RMDN1: variants seen among roughly 807,000 people sequenced by gnomAD.
The protein encoded by RMDN1 is regulator of microtubule dynamics 1.
Under a neutral mutation model 48.9 loss-of-function variants are expected in RMDN1, and 48 were observed. The observed-to-expected ratio is 0.98, with a 90% CI of 0.78 to 1.25. The LOEUF is 1.25. Among genes scored for constraint, RMDN1 ranks in the 50% most tolerant of loss-of-function variants. The pLI, the probability that RMDN1 is intolerant of heterozygous loss-of-function variation, is 0.00. For missense variants in RMDN1, 418 were observed against 373.4 expected (o/e 1.12, Z -0.98); for synonymous variants, 148 against 132.6 (o/e 1.12, Z -0.80).
At chr8:86,474,989 ACAG>A in intron 8 of RMDN1, 36 bp from the exon 9 acceptor site, 1 of 1,546,800 alleles carries the variant, frequency 6.5e-7, no homozygotes, top group Non-Finnish European at 8.7e-7. Context: ...CTCAGAGGAA[ACAG>A]TGTTGCTTTT....
At chr8:86,490,271 T>A (rs1816272297) in intron 2 of RMDN1, among the ~76,000 whole-genome samples, 1 of 152,196 alleles carries the variant, frequency 6.6e-6, no homozygotes, top group African/African-American at 2.4e-5. Flanking sequence ...TTTGGTTACA[T>A]GTCAACGGTG....
At chr8:86,509,894 A>G (rs1384869345), upstream of RMDN1, among the ~76,000 whole-genome samples, 1 of 152,116 alleles carries the variant, frequency 6.6e-6, no homozygotes, top group Non-Finnish European at 1.5e-5. Context: ...TTTCCCAAAG[A>G]CAGAATCACT....
chr8:86,505,337 A>C (rs747349008), intron 2 of RMDN1: 1 of 460,616 alleles, frequency 2.2e-6, no homozygotes, highest in Non-Finnish European at 4.3e-6. Context: ...GGCATATGAC[A>C]ACTTTGCCAG....
intron 2 of RMDN1, among the ~76,000 whole-genome samples, chr8:86,502,654 A>C (rs1818453266): frequency 6.6e-6 from 1 of 152,202 alleles, no homozygotes; most frequent in Non-Finnish European, 1.5e-5. Context: ...TCTGTTTGTA[A>C]ATAAAATCTA....
chr8:86,490,878 C>T (rs555379147), intron 2 of RMDN1, among the ~76,000 whole-genome samples: 2 of 152,010 alleles, frequency 1.3e-5, no homozygotes, highest in East Asian at 3.9e-4. Flanking sequence ...AAATTGTCAG[C>T]CAGGCATGGC....
chr8:86,484,751 C>A, intron 5 of RMDN1, 121 bp downstream of exon 5: 1 of 469,488 alleles, frequency 2.1e-6, no homozygotes, highest in Non-Finnish European at 3.8e-6. Flanking sequence ...AACAAACTGT[C>A]ATGGCTCTAC....
At chr8:86,488,722 C>G in intron 2 of RMDN1, 83 bp from the exon 3 acceptor site, 1 of 820,984 alleles carries the variant, frequency 1.2e-6, no homozygotes, top group Non-Finnish European at 1.9e-6. Flanking sequence ...AACTTAAACA[C>G]TTTTATATAT....
chr8:86,478,611 T>C (rs1279867397), intron 7 of RMDN1: 2 of 297,244 alleles, frequency 6.7e-6, no homozygotes, highest in Non-Finnish European at 6.3e-6. Context: ...TAACAGATGC[T>C]GTATTTCTTG....
chr8:86,468,913 A>C (rs543457414), downstream of RMDN1, among the ~76,000 whole-genome samples: 35 of 152,224 alleles, frequency 2.3e-4, no homozygotes, highest in East Asian at 4.5e-3. Flanking sequence ...ACTAACCGAA[A>C]GAAATTAGGA....
intron 2 of RMDN1, among the ~76,000 whole-genome samples, chr8:86,503,367 A>AAAAAAC (rs1455479774): frequency 1.4e-5 from 1 of 73,506 alleles, no homozygotes; most frequent in African/African-American, 1.2e-4. Context: ...AAAACAAAAC[A>AAAAAAC]AAACAAAAAA....
Position 86,474,236 on chromosome 8 carries a change from A to C in RMDN1, c.*72T>G. ...AAAAGCCGTAGAACAGTTATAGTTC[A>C]TATATTAAGTTTAGAATTAAAAGAA... On this transcript the variant is annotated 3_prime_UTR_variant, in exon 10 of 10. Coordinates refer to ENST00000406452, the MANE Select transcript of RMDN1 (RefSeq NM_016033.3). 1 of 1,600,842 alleles carries C rather than the reference A, an allele frequency of 6.2e-7. No individual in the cohort carries two copies. The highest frequency in any genetic ancestry group is 8.5e-7 in the Non-Finnish European group (1 of 1,174,762).
At position 86,486,584 on chromosome 8, in the gene RMDN1, C is replaced by G. The variant is rs759909872; in HGVS notation, c.395G>C (p.Ser132Thr). The change falls in exon 4 of 10, where the codon AGC (serine) becomes ACC (threonine). Residue 132 changes from serine to threonine, a missense_variant. Coordinates refer to ENST00000406452, the MANE Select transcript of RMDN1 (RefSeq NM_016033.3). ...CTTTTTCTCCTCTTCTGAGGTTCTG[C>G]TAAGCTGAGCTACATCACGTGATGC... The part of the protein sequence containing the change: ...ARASRDVAQL[S>T]RTSEEEKKLL... 4 of 1,612,766 alleles carry G rather than the reference C, an allele frequency of 2.5e-6. No individual in the cohort carries two copies. The highest frequency in any genetic ancestry group is 3.4e-6 in the Non-Finnish European group (4 of 1,179,196).
chr8:86,497,677 A>T (rs1488537450), intron 2 of RMDN1, among the ~76,000 whole-genome samples: 1 of 145,124 alleles, frequency 6.9e-6, no homozygotes, highest in Non-Finnish European at 1.5e-5. Context: ...CTCCAGCCTG[A>T]GCAACAGAGC....
downstream of RMDN1, chr8:86,470,229 T>A (rs1812424522): frequency 7.8e-7 from 1 of 1,289,304 alleles, no homozygotes; most frequent in Non-Finnish European, 1.0e-6. Flanking sequence ...TTGATATACA[T>A]GTACGTGGGG....
rs188320203 is a variant in RMDN1, at chr8:86,498,720, G to A, written c.247+8275C>T. Among the ~76,000 whole-genome samples, 12 of 152,314 alleles carry A rather than the reference G, an allele frequency of 7.9e-5. No individual in the cohort carries two copies. In the East Asian group the frequency reaches 2.3e-3, roughly 29 times the overall value. On this transcript the variant is annotated intron_variant, in intron 2 of 9. Transcript: ENST00000406452. ...CACTTGAGCCTGGGAGGCGGAGGTT[G>A]CAGTGAGCCAAGATTGCACTACTGC...
chr8:86,477,269 A>G (rs764043155), intron 8 of RMDN1, 25 bp downstream of exon 8: 4 of 1,552,768 alleles, frequency 2.6e-6, no homozygotes, highest in Non-Finnish European at 3.5e-6. Flanking sequence ...AACTATATTA[A>G]TATGTGTAAT....
chr8:86,506,228 A>G (rs1819328879), intron 2 of RMDN1, among the ~76,000 whole-genome samples: 1 of 152,152 alleles, frequency 6.6e-6, no homozygotes, highest in African/African-American at 2.4e-5. Flanking sequence ...GTGCTTTAGG[A>G]GATTTTAGGT....
downstream of RMDN1, among the ~76,000 whole-genome samples, chr8:86,471,367 C>T (rs1002832742): frequency 6.6e-6 from 1 of 151,350 alleles, no homozygotes. Context: ...GGTAACTCAA[C>T]ATAAAATTAC....
At chr8:86,503,366 C>CAAAAAAA (rs1354324383) in intron 2 of RMDN1, among the ~76,000 whole-genome samples, 30 of 70,446 alleles carry the variant, frequency 4.3e-4, no homozygotes, top group Admixed American at 5.0e-4. Context: ...CAAAACAAAA[C>CAAAAAAA]AAAACAAAAA....
Sources: gnomAD v4.1 joint callset for allele counts (sites outside exome capture counted in the v4.1 genomes callset) on GRCh38, gnomAD v4.1.1 for gene constraint, MANE v1.5 for transcripts, NCBI Gene and HGNC (gene_info 2026-07-23, HGNC 2026-07-21) for gene names.